ABHD5: variants seen among roughly 807,000 people sequenced by gnomAD.
ABHD5 encodes the protein 1-acylglycerol-3-phosphate O-acyltransferase ABHD5.
In ABHD5, 30 loss-of-function variants were observed where a neutral mutation model predicts 44.9. The ratio of observed to expected loss-of-function variants is 0.67; its 90% CI spans 0.50 to 0.91. The LOEUF (loss-of-function observed/expected upper bound fraction) is 0.91. Among genes scored for constraint, ABHD5 ranks in the 40% least tolerant of loss-of-function variants. The pLI is 0.00. For synonymous variants in ABHD5, 167 were observed against 147.0 expected, an observed-to-expected ratio of 1.14 and a Z score of -0.99; for missense variants, 399 against 423.4, an observed-to-expected ratio of 0.94 and a Z score of 0.50.
At chr3:43,698,525 C>G (rs1480737204) in intron 1 of ABHD5, among the ~76,000 whole-genome samples, 2 of 152,122 alleles carry the variant, frequency 1.3e-5, no homozygotes, top group Non-Finnish European at 2.9e-5. Flanking sequence ...TTGAGGCTTA[C>G]CCTCTCTTTT....
intron 1 of ABHD5, among the ~76,000 whole-genome samples, chr3:43,694,214 G>C (rs1167352138): frequency 6.9e-6 from 1 of 145,812 alleles, no homozygotes; most frequent in Non-Finnish European, 1.5e-5. Flanking sequence ...AGCCGAGATC[G>C]TGCCACTGCA....
At chr3:43,714,472 A>G (rs1325683421) in intron 4 of ABHD5, among the ~76,000 whole-genome samples, 1 of 152,092 alleles carries the variant, frequency 6.6e-6, no homozygotes, top group Non-Finnish European at 1.5e-5. Context: ...GGGCGCCACC[A>G]GGGATAACCT....
intron 3 of ABHD5, among the ~76,000 whole-genome samples, chr3:43,705,373 C>A (rs73829510): frequency 0.029 from 4,437 of 152,162 alleles, 209 homozygotes; most frequent in African/African-American, 0.1. Flanking sequence ...AGCATAAAAA[C>A]AAGTTACCGT....
chr3:43,729,249 A>G (rs185680636), intron 7 of ABHD5, among the ~76,000 whole-genome samples: 297 of 152,330 alleles, frequency 1.9e-3, no homozygotes, highest in African/African-American at 5.2e-3. Flanking sequence ...AGTGGAAAGA[A>G]GGTCATCTTG....
At chr3:43,716,066 T>G (rs747297032) in intron 5 of ABHD5, among the ~76,000 whole-genome samples, 8 of 152,138 alleles carry the variant, frequency 5.3e-5, no homozygotes, top group Non-Finnish European at 1.0e-4. Flanking sequence ...GAGGGCCAAA[T>G]GTATGTTTTA....
intron 5 of ABHD5, among the ~76,000 whole-genome samples, chr3:43,716,955 A>G (rs947543314): frequency 2.0e-5 from 3 of 152,062 alleles, no homozygotes; most frequent in Admixed American, 6.6e-5. Flanking sequence ...GGCAGATCAC[A>G]AGGTCAGGAG....
intron 1 of ABHD5, among the ~76,000 whole-genome samples, chr3:43,696,061 A>G (rs544675236): frequency 3.4e-4 from 52 of 152,348 alleles, no homozygotes; most frequent in African/African-American, 1.2e-3. Context: ...TAAGTGCCCA[A>G]CTGATGGGGC....
chr3:43,692,970 T>G (rs1465663312), intron 1 of ABHD5, among the ~76,000 whole-genome samples: 1 of 152,228 alleles, frequency 6.6e-6, no homozygotes, highest in Non-Finnish European at 1.5e-5. Flanking sequence ...AATATGATTC[T>G]TGTCCTTTGC....
intron 4 of ABHD5, among the ~76,000 whole-genome samples, chr3:43,713,771 A>G (rs1240034374): frequency 6.6e-6 from 1 of 152,232 alleles, no homozygotes; most frequent in Non-Finnish European, 1.5e-5. Context: ...AAAGTAAAGT[A>G]TGAAGAGAAA....
chr3:43,702,691 ATTCTCT>A, intron 3 of ABHD5, 104 bp downstream of exon 3: 2 of 1,560,656 alleles, frequency 1.3e-6, no homozygotes, highest in Non-Finnish European at 1.8e-6. Context: ...CAAGGCAGAC[ATTCTCT>A]TAAAGGACCC....
At chr3:43,696,211 T>C (rs779005783) in intron 1 of ABHD5, among the ~76,000 whole-genome samples, 1 of 152,216 alleles carries the variant, frequency 6.6e-6, no homozygotes, top group Non-Finnish European at 1.5e-5. Flanking sequence ...AATTTAGGCC[T>C]CAGTGATGGA....
intron 3 of ABHD5, among the ~76,000 whole-genome samples, chr3:43,705,019 A>G (rs1008579793): frequency 1.3e-5 from 2 of 152,216 alleles, no homozygotes; most frequent in Non-Finnish European, 2.9e-5. Context: ...TTTCAAAATA[A>G]TGATGTTTTC....
At chr3:43,707,187 A>G (rs933056656) in intron 3 of ABHD5, among the ~76,000 whole-genome samples, 1 of 152,152 alleles carries the variant, frequency 6.6e-6, no homozygotes, top group Non-Finnish European at 1.5e-5. Flanking sequence ...TATTTTAAAG[A>G]TATTTGTTAT....
At chr3:43,730,278 G>A (rs538334910) in intron 7 of ABHD5, among the ~76,000 whole-genome samples, 1 of 152,182 alleles carries the variant, frequency 6.6e-6, no homozygotes, top group African/African-American at 2.4e-5. Flanking sequence ...GTTCACACCA[G>A]CCTTCTCCTG....
intron 1 of ABHD5, among the ~76,000 whole-genome samples, chr3:43,698,593 G>A (rs1294804265): frequency 6.6e-6 from 1 of 152,136 alleles, no homozygotes; most frequent in African/African-American, 2.4e-5. Context: ...CTCACTAGCT[G>A]CCTCAGATCT....
At chr3:43,717,430 C>CA (rs2084779020) in intron 5 of ABHD5, among the ~76,000 whole-genome samples, 1 of 152,098 alleles carries the variant, frequency 6.6e-6, no homozygotes, top group Non-Finnish European at 1.5e-5. Flanking sequence ...TAGGGTTGTA[C>CA]ATTTTGGTTT....
intron 3 of ABHD5, among the ~76,000 whole-genome samples, chr3:43,710,611 C>T (rs1252872654): frequency 1.3e-5 from 2 of 152,196 alleles, no homozygotes; most frequent in Non-Finnish European, 2.9e-5. Context: ...ACAGTATGGA[C>T]CTGTTACTAA....
intron 2 of ABHD5, chr3:43,699,575 C>T: frequency 1.9e-6 from 1 of 530,750 alleles, no homozygotes; most frequent in Non-Finnish European, 3.4e-6. Context: ...CCCTGTTATA[C>T]TCTTAAATTA....
chr3:43,703,023 A>G lies in ABHD5; in HGVS notation c.506+436A>G, dbSNP rs183510756. ...ACTTAGAGCAAATCACTTAACCTCT[A>G]ACCTTTAGTTTTCTTTTACCTAAAC... On this transcript the variant is annotated intron_variant, in intron 3 of 6. Coordinates refer to ENST00000644371, the MANE Select transcript of ABHD5 (RefSeq NM_016006.6). Among the ~76,000 whole-genome samples, 145 of 152,272 alleles carry G rather than the reference A, an allele frequency of 9.5e-4. 1 individual carries two copies. The highest frequency in any genetic ancestry group is 3.4e-3 in the African/African-American group (142 of 41,550).
Sources: gnomAD v4.1 joint callset for allele counts (sites outside exome capture counted in the v4.1 genomes callset) on GRCh38, gnomAD v4.1.1 for gene constraint, MANE v1.5 for transcripts, NCBI Gene and HGNC (gene_info 2026-07-23, HGNC 2026-07-21) for gene names.